ABCA13: variants seen among roughly 807,000 people sequenced by gnomAD.
ABCA13 encodes the protein ATP binding cassette subfamily A member 13, also known as ATP-binding cassette sub-family A member 13.
A neutral mutation model predicts 478.7 loss-of-function variants in ABCA13; 476 were observed. The ratio of observed to expected loss-of-function variants is 0.99; its 90% CI spans 0.92 to 1.07. ABCA13 has a LOEUF of 1.07. Ranked by LOEUF, ABCA13 falls within the 50% of genes least tolerant of loss-of-function variation. The pLI is 0.00. For synonymous variants in ABCA13, 2,252 were observed against 2,158.9 expected, an observed-to-expected ratio of 1.04 and a Z score of -1.20; for missense variants, 6,060 against 5,910.6, an observed-to-expected ratio of 1.03 and a Z score of -0.83.
At chr7:48,519,018 T>C (rs551355049) in intron 52 of ABCA13, among the ~76,000 whole-genome samples, 84 of 151,946 alleles carry the variant, frequency 5.5e-4, no homozygotes, top group Non-Finnish European at 1.0e-3. Flanking sequence ...CTTGTGTTCA[T>C]GCGTTCTCAT....
At position 48,274,060 on chromosome 7, in the gene ABCA13, A is replaced by C; in HGVS notation, c.4394A>C (p.Asp1465Ala). The change falls in exon 17 of 62, where the codon GAT becomes GCT. Residue 1465 changes from aspartate to alanine, a missense_variant. This residue lies in a region of ABCA13 where 4,423 missense variants were observed against 4,309.1 expected (regional missense o/e 1.03). Coordinates refer to ENST00000435803, the MANE Select transcript of ABCA13 (RefSeq NM_152701.5). ...HINCVNIYLK[D>A]VTDFLNIVLT... ...AATTGTGTCAATATTTACTTGAAAG[A>C]TGTAACTGACTTTCTAAATATTGTA... is the stretch of plus-strand genomic sequence containing the variant. The C allele has an allele frequency of 6.2e-7, 1 of 1,605,760 alleles. No homozygotes were observed. The highest frequency in any genetic ancestry group is 8.5e-7 in the Non-Finnish European group (1 of 1,174,682).
intron 31 of ABCA13, among the ~76,000 whole-genome samples, chr7:48,358,211 AAAAGG>A (rs2128998001): frequency 9.1e-6 from 1 of 109,878 alleles, no homozygotes; most frequent in African/African-American, 3.6e-5. Context: ...AAGGAAAGGA[AAAAGG>A]AAAGGAAGGG....
At chr7:48,467,494 T>A (rs1445925155) in intron 44 of ABCA13, among the ~76,000 whole-genome samples, 2 of 152,196 alleles carry the variant, frequency 1.3e-5, no homozygotes, top group African/African-American at 4.8e-5. Flanking sequence ...GGTGAATTAC[T>A]TTGAAAATGA....
At chr7:48,388,914 G>T in intron 36 of ABCA13, 126 bp from the exon 37 acceptor site, 1 of 1,064,422 alleles carries the variant, frequency 9.4e-7, no homozygotes, top group Non-Finnish European at 1.4e-6. Context: ...AAAGATTTTT[G>T]AGTTGATTTG....
chr7:48,272,507 C>A lies in ABCA13; in HGVS notation c.2841C>A (p.His947Gln), dbSNP rs374766096. 1.2e-6 allele frequency: 2 copies of A among 1,613,796 alleles called. No individual in the cohort carries two copies. The highest frequency in any genetic ancestry group is 2.2e-5 in the South Asian group (2 of 91,078). The change falls in exon 17 of 62, where the codon CAC becomes CAA. Residue 947 changes from histidine (H) to glutamine (Q), a missense_variant. Transcript: ENST00000435803. ...QKQEVDKILT[H>Q]IHLNVFQDKD... ...AAGAAGTTGATAAAATTTTGACTCA[C>A]ATACACCTAAATGTCTTCCAGGACA...
intron 55 of ABCA13, among the ~76,000 whole-genome samples, chr7:48,553,478 G>A (rs1785509473): frequency 6.6e-6 from 1 of 152,000 alleles, no homozygotes; most frequent in Admixed American, 6.6e-5. Context: ...TTTGTTGCTT[G>A]TTGCCTGTCT....
intron 27 of ABCA13, among the ~76,000 whole-genome samples, chr7:48,329,987 A>T (rs1399615484): frequency 6.6e-6 from 1 of 151,536 alleles, no homozygotes; most frequent in Non-Finnish European, 1.5e-5. Context: ...GCATCCATTC[A>T]TCTATCCATC....
At chr7:48,542,518 T>C (rs886537995) in intron 55 of ABCA13, among the ~76,000 whole-genome samples, 1 of 151,686 alleles carries the variant, frequency 6.6e-6, no homozygotes, top group Non-Finnish European at 1.5e-5. Context: ...AGAAATAATT[T>C]CAACTGAAGT....
chr7:48,222,542 A>G (rs1034532229), intron 5 of ABCA13, among the ~76,000 whole-genome samples: 1 of 152,182 alleles, frequency 6.6e-6, no homozygotes, highest in African/African-American at 2.4e-5. Flanking sequence ...CCAAAGTAAG[A>G]TAAGTTGACC....
intron 30 of ABCA13, among the ~76,000 whole-genome samples, chr7:48,351,626 A>C (rs1298583559): frequency 2.6e-5 from 4 of 152,170 alleles, no homozygotes; most frequent in Non-Finnish European, 4.4e-5. Context: ...GCGCACCCTA[A>C]TGGCCCTCAT....
intron 31 of ABCA13, 62 bp from the exon 32 acceptor site, chr7:48,367,732 G>T: frequency 7.6e-7 from 1 of 1,316,484 alleles, no homozygotes; most frequent in Non-Finnish European, 1.1e-6. Flanking sequence ...GAAGAAAAAT[G>T]TAAAAAATTA....
At chr7:48,368,683 ATG>A (rs1352534612) in intron 32 of ABCA13, among the ~76,000 whole-genome samples, 6 of 80,204 alleles carry the variant, frequency 7.5e-5, no homozygotes, top group South Asian at 5.6e-4. Context: ...GTGTGTGTGT[ATG>A]TGTATATATA....
Position 48,644,741 on chromosome 7 carries a change from C to A in ABCA13, c.15068C>A (p.Thr5023Asn), listed in dbSNP as rs1562589887. Residue 5023 changes from threonine (T) to asparagine (N), a missense_variant, in exon 61 of 62, where the codon ACC (threonine) becomes AAC (asparagine). Physicochemically the swap from Thr to Asn is moderately conservative, Grantham distance 65. Coordinates refer to ENST00000435803, the MANE Select transcript of ABCA13 (RefSeq NM_152701.5). ...ATTAAGCATTATTCCATTAACCAAA[C>A]CACTTTGGAGCAGGTATAGTATCTT... ...LNIKHYSINQ[T>N]TLEQVFINFA... 1 of 1,601,990 alleles carries A rather than the reference C, an allele frequency of 6.2e-7. No homozygotes were observed. Among genetic ancestry groups the A allele is most frequent in the Non-Finnish European group, 8.5e-7 (1 of 1,176,456 alleles).
At chr7:48,411,106 T>C (rs1351982553) in intron 40 of ABCA13, among the ~76,000 whole-genome samples, 1 of 94,536 alleles carries the variant, frequency 1.1e-5, no homozygotes, top group Non-Finnish European at 2.5e-5. Flanking sequence ...TCCTTTCCTT[T>C]TCTTTTTCTT....
At chr7:48,339,446 T>A (rs898826250) in intron 29 of ABCA13, among the ~76,000 whole-genome samples, 1 of 152,182 alleles carries the variant, frequency 6.6e-6, no homozygotes, top group African/African-American at 2.4e-5. Flanking sequence ...AGGACTGACA[T>A]GGGTCTGAGA....
At chr7:48,523,413 T>TA (rs1321532326) in intron 53 of ABCA13, among the ~76,000 whole-genome samples, 7 of 152,094 alleles carry the variant, frequency 4.6e-5, no homozygotes, top group African/African-American at 1.7e-4. Context: ...GAAGAAGTTG[T>TA]AAAATTATTA....
chr7:48,516,905 T>G, intron 52 of ABCA13, 24 bp downstream of exon 52: 1 of 1,608,206 alleles, frequency 6.2e-7, no homozygotes, highest in Non-Finnish European at 8.5e-7. Flanking sequence ...TAGCATCACC[T>G]CTACACTTCT....
intron 55 of ABCA13, among the ~76,000 whole-genome samples, chr7:48,577,841 T>C (rs1425187247): frequency 6.6e-6 from 1 of 152,102 alleles, no homozygotes; most frequent in Non-Finnish European, 1.5e-5. Flanking sequence ...AAGTATCAAA[T>C]TGAGTCTAAC....
intron 53 of ABCA13, among the ~76,000 whole-genome samples, chr7:48,520,812 T>C (rs1918606): frequency 0.12 from 18,265 of 152,238 alleles, 1,318 homozygotes; most frequent in East Asian, 0.17. Context: ...CACTTTGAAA[T>C]TGCTGAATTT....
Sources: gnomAD v4.1 joint callset for allele counts (sites outside exome capture counted in the v4.1 genomes callset) on GRCh38, gnomAD v4.1.1 for gene constraint, gnomAD v4.1.1 regional missense constraint, MANE v1.5 for transcripts, NCBI Gene and HGNC (gene_info 2026-07-23, HGNC 2026-07-21) for gene names.